Variants in MTDH observed in about 807,000 individuals in gnomAD.
MTDH encodes metadherin, also known as protein LYRIC.
In MTDH, 34 loss-of-function variants were observed where a neutral mutation model predicts 72.7. The ratio of observed to expected loss-of-function variants is 0.47; its 90% CI spans 0.36 to 0.62. The LOEUF is 0.62. Ranked by LOEUF, MTDH falls within the 20% of genes least tolerant of loss-of-function variation. The pLI, the probability that MTDH is intolerant of heterozygous loss-of-function variation, is 0.00. For synonymous variants in MTDH, 266 were observed against 268.9 expected, an observed-to-expected ratio of 0.99 and a Z score of 0.10; for missense variants, 677 against 699.4, an observed-to-expected ratio of 0.97 and a Z score of 0.36.
At chr8:97,710,547 A>T (rs1279486168) in intron 8 of MTDH, among the ~76,000 whole-genome samples, 5 of 137,156 alleles carry the variant, frequency 3.6e-5, no homozygotes, top group Middle Eastern at 3.8e-3. Context: ...AAAAAAAAAA[A>T]TTTAGCTGGA....
chr8:97,674,689 A>T (rs1237560377), intron 2 of MTDH, among the ~76,000 whole-genome samples: 2 of 152,248 alleles, frequency 1.3e-5, no homozygotes, highest in Non-Finnish European at 2.9e-5. Context: ...TGTTGACACA[A>T]TAGAAGTAGA....
rs534435177 is a variant in MTDH, at chr8:97,650,080, C to T, written c.381+5193C>T. ...ACGCACGTTCTCCTGCCTCAGCCTC[C>T]TGAGTAGCTGGGACTACAGGCGCCC... On this transcript the variant is annotated intron_variant, in intron 1 of 11. Transcript: ENST00000336273. Among the ~76,000 whole-genome samples, 3 of 152,202 alleles carry T rather than the reference C, an allele frequency of 2.0e-5. No individual in the cohort carries two copies. The South Asian group carries it at 6.2e-4, about 32-fold the overall frequency.
intron 8 of MTDH, among the ~76,000 whole-genome samples, chr8:97,711,503 A>G (rs1814634915): frequency 6.6e-6 from 1 of 151,482 alleles, no homozygotes; most frequent in South Asian, 2.1e-4. Context: ...AACAAACAAA[A>G]CAAGGCAGGA....
chr8:97,709,177 T>C (rs1464859100), intron 8 of MTDH, among the ~76,000 whole-genome samples: 1 of 138,212 alleles, frequency 7.2e-6, no homozygotes, highest in Non-Finnish European at 1.5e-5. Flanking sequence ...CTGGACAACA[T>C]AGCGAGACTC....
intron 9 of MTDH, 42 bp from the exon 10 acceptor site, chr8:97,719,007 A>G (rs1179415764): frequency 1.3e-6 from 2 of 1,526,002 alleles, no homozygotes; most frequent in South Asian, 1.2e-5. Context: ...TTAATGAAGA[A>G]TGAATGCTTT....
intron 2 of MTDH, among the ~76,000 whole-genome samples, chr8:97,678,618 T>TTTTTTTTA (rs1812950421): frequency 7.0e-6 from 1 of 142,136 alleles, no homozygotes; most frequent in Non-Finnish European, 1.5e-5. Flanking sequence ...TTTTTTTTTT[T>TTTTTTTTA]GAGAGAGAGA....
chr8:97,687,392 C>T (rs1241640172), intron 3 of MTDH, 37 bp from the exon 4 acceptor site: 3 of 1,544,350 alleles, frequency 1.9e-6, no homozygotes, highest in Non-Finnish European at 2.6e-6. Flanking sequence ...TTGTCTTCCC[C>T]TTACTGAATA....
intron 7 of MTDH, among the ~76,000 whole-genome samples, chr8:97,705,997 T>G (rs1446534600): frequency 6.6e-6 from 1 of 152,220 alleles, no homozygotes; most frequent in East Asian, 1.9e-4. Flanking sequence ...AAATGATGAT[T>G]GAAGCCCTGA....
Position 97,703,951 on chromosome 8 carries a change from A to G in MTDH, c.1148-2675A>G, listed in dbSNP as rs117986072. ...CATCTTGTTATTAAGTGGTAGAACAATATTCAAATGTATATTTGTTTGACA... is the reference window on the plus strand; with the variant it reads ...CATCTTGTTATTAAGTGGTAGAACAGTATTCAAATGTATATTTGTTTGACA... On this transcript the variant is annotated intron_variant, in intron 7 of 11. Coordinates refer to ENST00000336273, the MANE Select transcript of MTDH (RefSeq NM_178812.4). 5.6e-3 allele frequency among the ~76,000 whole-genome samples: 854 copies of G among 152,332 alleles called. 6 individuals are homozygous for G. Among genetic ancestry groups the G allele is most frequent in the Middle Eastern group, 0.017 (5 of 294 alleles).
chr8:97,697,628 A>T (rs1457559248), intron 6 of MTDH, among the ~76,000 whole-genome samples: 1 of 151,528 alleles, frequency 6.6e-6, no homozygotes, highest in Non-Finnish European at 1.5e-5. Flanking sequence ...CTCGTGATCC[A>T]CCTGCCTTGG....
intron 9 of MTDH, among the ~76,000 whole-genome samples, chr8:97,716,529 A>G (rs1188286365): frequency 6.6e-6 from 1 of 152,076 alleles, no homozygotes; most frequent in East Asian, 1.9e-4. Context: ...CTCTACTGAA[A>G]ATACAAAAAT....
chr8:97,670,041 G>A lies in MTDH; in HGVS notation c.483+8868G>A, dbSNP rs139803372. On this transcript the variant is annotated intron_variant, in intron 2 of 11. Coordinates refer to ENST00000336273, the MANE Select transcript of MTDH (RefSeq NM_178812.4). ...GCTATAAAGAAGTACGTGCCTGGGC[G>A]CCGTGGCTCACGCCTGTAGTCCCAT... is the stretch of plus-strand genomic sequence containing the variant. Among the ~76,000 whole-genome samples the A allele has an allele frequency of 4.9e-4, 74 of 151,866 alleles. No individual in the cohort carries two copies. In the South Asian group the frequency reaches 5.2e-3, roughly 11 times the overall value.
At chr8:97,698,705 C>G (rs1174319928) in intron 6 of MTDH, among the ~76,000 whole-genome samples, 6 of 152,240 alleles carry the variant, frequency 3.9e-5, no homozygotes, top group Admixed American at 1.3e-4. Flanking sequence ...TGCTAGCTAA[C>G]TCAGACATTT....
At chr8:97,703,194 A>C (rs952331472) in intron 7 of MTDH, among the ~76,000 whole-genome samples, 1 of 152,064 alleles carries the variant, frequency 6.6e-6, no homozygotes, top group Non-Finnish European at 1.5e-5. Context: ...GTGAGACCCC[A>C]TCTCTACAAA....
chr8:97,658,583 T>G (rs982101946), intron 1 of MTDH, among the ~76,000 whole-genome samples: 6 of 152,198 alleles, frequency 3.9e-5, no homozygotes, highest in African/African-American at 1.4e-4. Flanking sequence ...CTCAGTGTCA[T>G]GTAAATGAGT....
At chr8:97,677,004 C>CAAAAAA (rs57430782) in intron 2 of MTDH, among the ~76,000 whole-genome samples, 6,466 of 23,286 alleles carry the variant, frequency 0.28, 2,278 homozygotes, top group East Asian at 0.39. Context: ...GACTCTATCT[C>CAAAAAA]AAAAAAAAAA....
intron 6 of MTDH, among the ~76,000 whole-genome samples, chr8:97,697,946 A>G (rs927324599): frequency 7.2e-5 from 11 of 152,174 alleles, no homozygotes; most frequent in Non-Finnish European, 1.6e-4. Flanking sequence ...TACTGCTTCT[A>G]AGCAGCTAAT....
intron 2 of MTDH, among the ~76,000 whole-genome samples, chr8:97,682,262 A>G (rs1267723737): frequency 1.7e-3 from 9 of 5,414 alleles, no homozygotes; most frequent in African/African-American, 6.1e-3. Context: ...ATATATATAT[A>G]TATATATATA....
At chr8:97,667,534 C>T (rs896798796) in intron 2 of MTDH, among the ~76,000 whole-genome samples, 1 of 152,096 alleles carries the variant, frequency 6.6e-6, no homozygotes, top group Non-Finnish European at 1.5e-5. Context: ...TCATATTACT[C>T]TTTTTTTGCT....
Sources: gnomAD v4.1 joint callset for allele counts (sites outside exome capture counted in the v4.1 genomes callset) on GRCh38, gnomAD v4.1.1 for gene constraint, MANE v1.5 for transcripts, NCBI Gene and HGNC (gene_info 2026-07-23, HGNC 2026-07-21) for gene names.